Variants in KIAA0586 observed in about 807,000 individuals in gnomAD.
KIAA0586 encodes protein TALPID3.
Under a neutral mutation model 169.8 loss-of-function variants are expected in KIAA0586, and 144 were observed. The observed-to-expected ratio is 0.85, with a 90% confidence interval of 0.74 to 0.97. KIAA0586 has a LOEUF of 0.97. Ranked by LOEUF, KIAA0586 falls within the 50% of genes least tolerant of loss-of-function variation. KIAA0586 has a pLI of 0.00. For synonymous variants in KIAA0586, 625 were observed against 612.4 expected, an observed-to-expected ratio of 1.02 and a Z score of -0.30; for missense variants, 1,854 against 1,823.0, an observed-to-expected ratio of 1.02 and a Z score of -0.31.
At position 58,477,252 on chromosome 14, in the gene KIAA0586, T is replaced by C. The variant is rs1446619358; in HGVS notation, c.2944+11T>C. 1.4e-6 allele frequency: 2 copies of C among 1,401,252 alleles called. No homozygotes were observed. Among genetic ancestry groups the C allele is most frequent in the Admixed American group, 2.0e-5 (1 of 49,402 alleles). 86.8% of individuals were successfully genotyped at this position (1,401,252 alleles called of 1,614,324 possible). ...TGACTTCTGACATTGGTAAGTGAAA[T>C]AGAATTTTTTTTTGTTTTTATTAAA... On this transcript the variant is annotated intron_variant, in intron 20 of 30. Transcript: ENST00000652326.
At chr14:58,559,148 G>C in the KIAA0586 span, among the ~76,000 whole-genome samples, 1 of 152,190 alleles carries the variant, frequency 6.6e-6, no homozygotes, top group Non-Finnish European at 1.5e-5. Context: ...GCTTCCAGGT[G>C]TTGCTTTCCA....
At chr14:58,484,898 A>ATATTTATATATATATT (rs1555391495) in intron 21 of KIAA0586, among the ~76,000 whole-genome samples, 3 of 4,894 alleles carry the variant, frequency 6.1e-4, no homozygotes, top group Non-Finnish European at 1.3e-3. Flanking sequence ...ATTTATATAT[A>ATATTTATATATATATT]TATATATATA....
Position 58,457,890 on chromosome 14 carries a change from A to G in KIAA0586, c.1494A>G (p.Lys498=). ...TTTTGAGAGGAGTACAAAACAATAAAAAAGTACTTGAAGAAAACCTGGAAG... is the reference window on the plus strand; with the variant it reads ...TTTTGAGAGGAGTACAAAACAATAAGAAAGTACTTGAAGAAAACCTGGAAG... ...EKILRGVQNN[K]KVLEENLEAI... The change falls in exon 11 of 31, where the codon AAA becomes AAG. Residue 498 remains lysine (K), a synonymous_variant. Coordinates refer to ENST00000652326, the MANE Select transcript of KIAA0586 (RefSeq NM_001329943.3). The G allele has an allele frequency of 6.2e-7, 1 of 1,607,496 alleles. No homozygotes were observed. Among genetic ancestry groups the G allele is most frequent in the Non-Finnish European group, 8.5e-7 (1 of 1,176,632 alleles).
chr14:58,490,787 A>G (rs994914118), intron 25 of KIAA0586, among the ~76,000 whole-genome samples: 3 of 152,096 alleles, frequency 2.0e-5, no homozygotes, highest in Non-Finnish European at 4.4e-5. Context: ...TTCTTTTGAA[A>G]AAACCGTTAA....
intron 15 of KIAA0586, among the ~76,000 whole-genome samples, 187 bp from the exon 16 acceptor site, chr14:58,467,548 A>G (rs771389372): frequency 6.6e-6 from 1 of 152,230 alleles, no homozygotes; most frequent in African/African-American, 2.4e-5. Context: ...TTGAGTACAT[A>G]TAAGTGCTTA....
intron 26 of KIAA0586, among the ~76,000 whole-genome samples, chr14:58,497,508 C>T (rs142363753): frequency 2.1e-4 from 32 of 151,234 alleles, no homozygotes; most frequent in Admixed American, 1.2e-3. Flanking sequence ...TACAGGCACC[C>T]GCCACCACGC....
Position 58,487,875 on chromosome 14 carries a change from A to AC in KIAA0586, c.3305-12_3305-11insC. On this transcript the variant is annotated splice_polypyrimidine_tract_variant and intron_variant, in intron 22 of 30. Coordinates refer to ENST00000652326, the MANE Select transcript of KIAA0586 (RefSeq NM_001329943.3). ...ACTATCTTTTTCTGTCCTTTTAAAA[A>AC]AAAACCTTTAGGAGATGATATGCCT... is the stretch of plus-strand genomic sequence containing the variant. The AC allele has an allele frequency of 6.3e-7, 1 of 1,597,606 alleles. No individual in the cohort carries two copies. The highest frequency in any genetic ancestry group is 8.5e-7 in the Non-Finnish European group (1 of 1,171,370).
chr14:58,534,413 C>T (rs556363318), intron 29 of KIAA0586, among the ~76,000 whole-genome samples: 1 of 152,060 alleles, frequency 6.6e-6, no homozygotes, highest in Admixed American at 6.5e-5. Flanking sequence ...TAAACTGAAA[C>T]AGCAAACTTC....
At chr14:58,494,775 G>A (rs1401337013) in intron 26 of KIAA0586, among the ~76,000 whole-genome samples, 2 of 152,128 alleles carry the variant, frequency 1.3e-5, no homozygotes, top group African/African-American at 2.4e-5. Context: ...GATGCCCACG[G>A]ATGGGCTTCT....
chr14:58,544,840 A>G (rs1178331835), intron 30 of KIAA0586, among the ~76,000 whole-genome samples: 3 of 152,198 alleles, frequency 2.0e-5, no homozygotes, highest in African/African-American at 7.2e-5. Context: ...TGCTTATCTC[A>G]CCATTTCTCC....
At chr14:58,524,870 C>T (rs2045470807) in intron 29 of KIAA0586, among the ~76,000 whole-genome samples, 1 of 152,136 alleles carries the variant, frequency 6.6e-6, no homozygotes, top group African/African-American at 2.4e-5. Context: ...TGCGTGCCAC[C>T]ACACCCAGCT....
At chr14:58,497,661 A>C (rs193076933) in intron 26 of KIAA0586, among the ~76,000 whole-genome samples, 50 of 151,794 alleles carry the variant, frequency 3.3e-4, no homozygotes, top group African/African-American at 1.1e-3. Flanking sequence ...CCAGGCCTCT[A>C]TACTTTTATA....
the KIAA0586 span, among the ~76,000 whole-genome samples, chr14:58,560,879 T>A: frequency 6.6e-6 from 1 of 152,228 alleles, no homozygotes; most frequent in African/African-American, 2.4e-5. Flanking sequence ...TTTATCATTA[T>A]ATGTTGTAAA....
intron 6 of KIAA0586, among the ~76,000 whole-genome samples, chr14:58,444,542 GCCT>G: frequency 6.6e-6 from 1 of 152,010 alleles, no homozygotes. Context: ...TCCTGCCTCA[GCCT>G]CCCATATAGT....
chr14:58,492,420 A>G (rs1055209310), intron 26 of KIAA0586, 145 bp downstream of exon 26: 2 of 626,896 alleles, frequency 3.2e-6, no homozygotes, highest in African/African-American at 3.7e-5. Context: ...GAATCATGGA[A>G]CTGTAGAGTT....
chr14:58,427,655 C>T, upstream of KIAA0586: 1 of 1,535,616 alleles, frequency 6.5e-7, no homozygotes. Flanking sequence ...TCTTGGCGCG[C>T]ATGCGTGTTG....
At chr14:58,509,825 T>A (rs1249696801) in intron 28 of KIAA0586, among the ~76,000 whole-genome samples, 1 of 152,190 alleles carries the variant, frequency 6.6e-6, no homozygotes, top group African/African-American at 2.4e-5. Flanking sequence ...GAATAATAAT[T>A]TTTTAAATTG....
intron 30 of KIAA0586, chr14:58,543,895 A>G (rs1262187931): frequency 2.2e-6 from 1 of 455,642 alleles, no homozygotes; most frequent in South Asian, 1.6e-5. Context: ...TTGGGGGTAC[A>G]TGTGAAGAAG....
intron 19 of KIAA0586, among the ~76,000 whole-genome samples, chr14:58,475,525 A>C (rs1265863074): frequency 1.3e-5 from 2 of 152,134 alleles, no homozygotes; most frequent in African/African-American, 4.8e-5. Context: ...GGTTTGTTAC[A>C]TACTGATAAC....
Sources: allele counts gnomAD v4.1 joint callset (sites outside exome capture counted in the v4.1 genomes callset), GRCh38; gene constraint gnomAD v4.1.1; transcripts MANE v1.5; gene names NCBI Gene and HGNC (gene_info 2026-07-23, HGNC 2026-07-21).